The following ZNF227 variants were observed in gnomAD, a reference collection of about 807,000 sequenced individuals.
ZNF227 encodes zinc finger protein 227.
In ZNF227, 12 loss-of-function variants were observed where a neutral mutation model predicts 13.2. That is an observed-to-expected ratio of 0.91 (90% CI 0.58 to 1.47). ZNF227 has a LOEUF of 1.47. Ranked by LOEUF, ZNF227 falls within the 40% of genes most tolerant of loss-of-function variation. The pLI is 0.00. For missense variants in ZNF227, 885 were observed against 967.5 expected (o/e 0.91, Z 1.13); for synonymous variants, 338 against 326.0 (o/e 1.04, Z -0.40).
upstream of ZNF227, among the ~76,000 whole-genome samples, chr19:44,208,757 A>G (rs927413243): frequency 6.6e-6 from 1 of 152,156 alleles, no homozygotes; most frequent in African/African-American, 2.4e-5. Flanking sequence ...AATCGTGTAT[A>G]TGGTTTGTGG....
At chr19:44,211,201 TAACAACAAC>T (rs72041965), upstream of ZNF227, among the ~76,000 whole-genome samples, 12 of 148,232 alleles carry the variant, frequency 8.1e-5, no homozygotes, top group African/African-American at 1.8e-4. Flanking sequence ...AAACTCTGTC[TAACAACAAC>T]AACAACAACA....
upstream of ZNF227, among the ~76,000 whole-genome samples, chr19:44,211,498 G>A (rs1199877015): frequency 6.6e-6 from 1 of 152,082 alleles, no homozygotes; most frequent in Non-Finnish European, 1.5e-5. Flanking sequence ...TAAAGATCAA[G>A]GTTTAAACAC....
intron 2 of ZNF227, among the ~76,000 whole-genome samples, chr19:44,215,275 T>C (rs1235965777): frequency 2.6e-5 from 4 of 151,470 alleles, no homozygotes; most frequent in Admixed American, 6.6e-5. Context: ...CAAGCGATTC[T>C]CCTGCCTCAG....
At chr19:44,226,200 G>T (rs1421051726) in intron 3 of ZNF227, among the ~76,000 whole-genome samples, 1 of 152,200 alleles carries the variant, frequency 6.6e-6, no homozygotes, top group African/African-American at 2.4e-5. Context: ...TACTGGGGGG[G>T]TGTCTCCCAG....
intron 3 of ZNF227, among the ~76,000 whole-genome samples, chr19:44,227,873 CAGGAAGAGCTAT>C (rs1230359632): frequency 6.6e-6 from 1 of 152,192 alleles, no homozygotes; most frequent in Non-Finnish European, 1.5e-5. Flanking sequence ...CTTGAAAGCA[CAGGAAGAGCTAT>C]ATACCTGTCC....
At chr19:44,223,799 T>C (rs1972806652) in intron 3 of ZNF227, among the ~76,000 whole-genome samples, 2 of 152,118 alleles carry the variant, frequency 1.3e-5, no homozygotes, top group Admixed American at 1.3e-4. Context: ...TTTCTTGCCT[T>C]CTGCTAGCTT....
In ZNF227 at chr19:44,234,997, GAGTAGAGGTA is replaced by G. The variant is rs1345006337; in HGVS notation, c.570_579del (p.Arg191LysfsTer4). The G allele has an allele frequency of 6.2e-7, 1 of 1,614,050 alleles. No individual in the cohort carries two copies. Among genetic ancestry groups the G allele is most frequent in the African/African-American group, 1.3e-5 (1 of 74,936 alleles). On this transcript the variant is annotated frameshift_variant, in exon 6 of 6. Transcript: ENST00000313040. LOFTEE classifies it low-confidence loss of function (END_TRUNC). Reference sequence around the variant, plus strand: ...CATATCTGAGTGAGTCACAGATTCAGAGTAGAGGTAAGCAAATTGATGTGAAAAATAACCT... The same window carrying G: ...CATATCTGAGTGAGTCACAGATTCAGAGCAAATTGATGTGAAAAATAACCT...
chr19:44,234,602 C>G (rs1974210151), intron 5 of ZNF227, 100 bp from the exon 6 acceptor site: 1 of 1,150,310 alleles, frequency 8.7e-7, no homozygotes, highest in East Asian at 2.6e-5. Context: ...CCTGGTTTAT[C>G]AAGGCTTTCT....
chr19:44,236,878 T>C lies in ZNF227; in HGVS notation c.*48T>C, dbSNP rs756932631. 6.7e-7 allele frequency: 1 copy of C among 1,490,596 alleles called. No individual in the cohort carries two copies. The highest frequency in any genetic ancestry group is 1.4e-5 in the South Asian group (1 of 74,046). 92.3% of individuals were successfully genotyped at this position (1,490,596 alleles called of 1,614,324 possible). A position where few individuals can be genotyped will look rare whatever the true frequency, so the allele number is the denominator to read the frequency against. On this transcript the variant is annotated 3_prime_UTR_variant, in exon 6 of 6. Coordinates refer to ENST00000313040, the MANE Select transcript of ZNF227 (RefSeq NM_182490.3). ...TTTTGTCTGAATGCACATCTTCAAG[T>C]TTTTGGCTAGTCCATGCTGGTGGTA...
At chr19:44,228,774 C>T (rs990577998) in intron 4 of ZNF227, 1 of 574,368 alleles carries the variant, frequency 1.7e-6, no homozygotes, top group African/African-American at 1.9e-5. Context: ...TGGTTCTCAA[C>T]CATGGGTGAT....
rs1193711021 is a variant in ZNF227, at chr19:44,235,264, C to T, written c.834C>T (p.Phe278=). The T allele has an allele frequency of 3.1e-6, 5 of 1,613,920 alleles. No individual in the cohort carries two copies. In the South Asian group the frequency reaches 3.3e-5, roughly 11 times the overall value. The change falls in exon 6 of 6, where the codon TTC becomes TTT. Residue 278 remains phenylalanine, a synonymous_variant. Coordinates refer to ENST00000313040, the MANE Select transcript of ZNF227 (RefSeq NM_182490.3). ...ATGTTCATACAGGAGAAAAATGCTT[C>T]AGTCAAAGCTCACATCTGCGAACTC... ...HPNVHTGEKC[F]SQSSHLRTHQ...
Position 44,235,766 on chromosome 19 carries a change from A to G in ZNF227, c.1336A>G (p.Ser446Gly). 6.2e-7 allele frequency: 1 copy of G among 1,614,110 alleles called. No homozygotes were observed. Among genetic ancestry groups the G allele is most frequent in the East Asian group, 2.2e-5 (1 of 44,878 alleles). ...YKCDVCGKGF[S>G]HNSPLICHRR... ...GTGTGATGTGTGTGGTAAGGGCTTC[A>G]GCCACAATTCACCATTAATATGCCA... is the stretch of plus-strand genomic sequence containing the variant. Residue 446 changes from serine to glycine, a missense_variant, in exon 6 of 6, where the codon AGC (serine) becomes GGC (glycine). Coordinates refer to ENST00000313040, the MANE Select transcript of ZNF227 (RefSeq NM_182490.3).
chr19:44,228,584 C>T lies in ZNF227; in HGVS notation c.187+12C>T, dbSNP rs779863046. 6.2e-7 allele frequency: 1 copy of T among 1,602,390 alleles called. No homozygotes were observed. The highest frequency in any genetic ancestry group is 8.5e-7 in the Non-Finnish European group (1 of 1,175,808). ...CCTGGTTGCAGTGGGTGAGGACAGGCACTCTCTGACCCTGAACTTCAGTTC... is the reference window on the plus strand; with the variant it reads ...CCTGGTTGCAGTGGGTGAGGACAGGTACTCTCTGACCCTGAACTTCAGTTC... On this transcript the variant is annotated intron_variant, in intron 4 of 5. Coordinates refer to ENST00000313040, the MANE Select transcript of ZNF227 (RefSeq NM_182490.3).
rs149045799 is a variant in ZNF227, at chr19:44,217,536, C to T, written c.-2-255C>T. On this transcript the variant is annotated intron_variant, in intron 2 of 5. Transcript: ENST00000313040. ...ACTTGAGAGCCCTCATATGTTGTTA[C>T]ATTGCCTCTCGTTTCCTGCTGTCTC... 987 of 665,238 alleles carry T rather than the reference C, an allele frequency of 1.5e-3. 2 individuals carry two copies. Among genetic ancestry groups the T allele is most frequent in the Non-Finnish European group, 2.1e-3 (754 of 360,188 alleles). The allele number at this position is 665,238 out of a possible 1,614,324, so 41.2% of individuals were successfully genotyped here. A position where few individuals can be genotyped will look rare whatever the true frequency, so the allele number is the denominator to read the frequency against.
chr19:44,216,777 T>C (rs1971921535), intron 2 of ZNF227, among the ~76,000 whole-genome samples: 1 of 152,150 alleles, frequency 6.6e-6, no homozygotes, highest in Admixed American at 6.5e-5. Context: ...ATGAAGTAAA[T>C]TGACCCAGAA....
At chr19:44,219,711 A>T (rs1246061987) in intron 3 of ZNF227, among the ~76,000 whole-genome samples, 1 of 151,712 alleles carries the variant, frequency 6.6e-6, no homozygotes, top group Non-Finnish European at 1.5e-5. Flanking sequence ...TGGAGAGGAA[A>T]ATCTGCCATT....
At chr19:44,222,432 A>G (rs1972632700) in intron 3 of ZNF227, among the ~76,000 whole-genome samples, 1 of 151,590 alleles carries the variant, frequency 6.6e-6, no homozygotes. Flanking sequence ...ATCCTCTTTT[A>G]TTTCATCGAG....
chr19:44,211,201 TAACAACAACAACAAC>T (rs72041965), upstream of ZNF227, among the ~76,000 whole-genome samples: 65,362 of 148,014 alleles, frequency 0.44, 16,128 homozygotes, highest in South Asian at 0.65. Context: ...AAACTCTGTC[TAACAACAACAACAAC>T]AACAACAACA....
upstream of ZNF227, among the ~76,000 whole-genome samples, chr19:44,210,807 A>G (rs944263221): frequency 6.6e-6 from 1 of 152,210 alleles, no homozygotes; most frequent in Non-Finnish European, 1.5e-5. Flanking sequence ...GCAGGTGAAA[A>G]TAATCAAATT....
Sources: allele counts gnomAD v4.1 joint callset (sites outside exome capture counted in the v4.1 genomes callset), GRCh38; gene constraint gnomAD v4.1.1; transcripts MANE v1.5; gene names NCBI Gene and HGNC (gene_info 2026-07-23, HGNC 2026-07-21).